ASCC3: variants seen among roughly 807,000 people sequenced by gnomAD.
The protein encoded by ASCC3 is activating signal cointegrator 1 complex subunit 3.
A neutral mutation model predicts 256.3 loss-of-function variants in ASCC3; 158 were observed. That is an observed-to-expected ratio of 0.62 (90% CI 0.54 to 0.70). The LOEUF is 0.70. Ranked by LOEUF, ASCC3 falls within the 30% of genes least tolerant of loss-of-function variation. The probability of loss-of-function intolerance (pLI) is 0.00; values close to 1 mark genes in which losing one functional copy is unlikely to be tolerated. For synonymous variants in ASCC3, 948 were observed against 883.4 expected, an observed-to-expected ratio of 1.07 and a Z score of -1.30; for missense variants, 2,259 against 2,626.0, an observed-to-expected ratio of 0.86 and a Z score of 3.05.
chr6:100,731,496 G>A (rs1399838540), intron 10 of ASCC3, among the ~76,000 whole-genome samples: 1 of 152,142 alleles, frequency 6.6e-6, no homozygotes, highest in Non-Finnish European at 1.5e-5. Context: ...CACTCTAACT[G>A]CTTATCTGTA....
At position 100,800,596 on chromosome 6, in the gene ASCC3, T is replaced by C. The variant is rs1769868416; in HGVS notation, c.923-92A>G. The stretch of plus-strand genomic sequence containing the variant: ...CATTTCTTTCCTCCACCCCACAACA[T>C]ATAATGCTCTTACAATTCATTTTTT... On this transcript the variant is annotated intron_variant, in intron 5 of 41. Coordinates refer to ENST00000369162, the MANE Select transcript of ASCC3 (RefSeq NM_006828.4). 29 of 954,656 alleles carry C rather than the reference T, an allele frequency of 3.0e-5. No homozygotes were observed. The South Asian group carries it at 4.0e-4, about 13-fold the overall frequency. 59.1% of individuals were successfully genotyped at this position (954,656 alleles called of 1,614,324 possible). A position where few individuals can be genotyped will look rare whatever the true frequency, so the allele number is the denominator to read the frequency against.
intron 10 of ASCC3, among the ~76,000 whole-genome samples, chr6:100,734,070 T>A (rs899306177): frequency 6.6e-6 from 1 of 152,110 alleles, no homozygotes; most frequent in Non-Finnish European, 1.5e-5. Flanking sequence ...AGAGAAATAA[T>A]TCTCATTTTT....
At chr6:100,818,754 A>G (rs1770891042) in intron 4 of ASCC3, among the ~76,000 whole-genome samples, 1 of 61,328 alleles carries the variant, frequency 1.6e-5, no homozygotes, top group Non-Finnish European at 4.5e-5. Context: ...AAGCCAAAAA[A>G]AAAAAAAAAA....
intron 17 of ASCC3, among the ~76,000 whole-genome samples, chr6:100,653,730 CAG>C (rs1775783286): frequency 6.6e-6 from 1 of 151,860 alleles, no homozygotes; most frequent in Admixed American, 6.6e-5. Context: ...ATAAAGTTGA[CAG>C]TGAATTTTTG....
intron 4 of ASCC3, among the ~76,000 whole-genome samples, chr6:100,844,291 C>T (rs935104140): frequency 1.3e-5 from 2 of 151,258 alleles, no homozygotes; most frequent in East Asian, 1.9e-4. Flanking sequence ...GAGGATATCA[C>T]TCCTACACAT....
At chr6:100,728,124 A>G (rs963549731) in intron 10 of ASCC3, among the ~76,000 whole-genome samples, 1 of 152,120 alleles carries the variant, frequency 6.6e-6, no homozygotes, top group African/African-American at 2.4e-5. Context: ...AAATGTAACT[A>G]TAGTATATAA....
chr6:100,738,627 T>C (rs1198840984), intron 10 of ASCC3, among the ~76,000 whole-genome samples: 1 of 152,246 alleles, frequency 6.6e-6, no homozygotes, highest in Non-Finnish European at 1.5e-5. Flanking sequence ...AGCTTTGTAG[T>C]ACAGTTTAAA....
At chr6:100,579,193 T>C (rs1771055099) in intron 36 of ASCC3, among the ~76,000 whole-genome samples, 2 of 151,654 alleles carry the variant, frequency 1.3e-5, no homozygotes, top group African/African-American at 4.8e-5. Context: ...TTTGTTTTTT[T>C]TTTTTTGCTC....
intron 11 of ASCC3, among the ~76,000 whole-genome samples, chr6:100,723,368 A>G (rs1241144668): frequency 1.3e-5 from 2 of 151,744 alleles, no homozygotes; most frequent in African/African-American, 4.8e-5. Flanking sequence ...GGTTTCATTT[A>G]TAACTTCTTG....
At chr6:100,878,588 A>G (rs1034072986) in intron 1 of ASCC3, among the ~76,000 whole-genome samples, 2 of 152,232 alleles carry the variant, frequency 1.3e-5, no homozygotes, top group Non-Finnish European at 2.9e-5. Context: ...CCCAGCACAT[A>G]TTAGGCAGTA....
At chr6:100,513,146 T>C (rs1226367199) in intron 39 of ASCC3, among the ~76,000 whole-genome samples, 4 of 152,348 alleles carry the variant, frequency 2.6e-5, no homozygotes, top group African/African-American at 9.6e-5. Flanking sequence ...TACTAGGATA[T>C]TGACATTAAC....
intron 36 of ASCC3, among the ~76,000 whole-genome samples, chr6:100,543,099 C>T (rs1025789127): frequency 6.6e-6 from 1 of 152,052 alleles, no homozygotes; most frequent in Admixed American, 6.6e-5. Flanking sequence ...TTCCAGGACC[C>T]CCTACAGATA....
At chr6:100,510,130 C>T (rs777007503) in intron 40 of ASCC3, 23 bp from the exon 41 acceptor site, 1 of 1,613,664 alleles carries the variant, frequency 6.2e-7, no homozygotes, top group Non-Finnish European at 8.5e-7. Context: ...AAAAAAGATA[C>T]AACATTAAAA....
intron 10 of ASCC3, among the ~76,000 whole-genome samples, chr6:100,762,469 A>G (rs960106456): frequency 4.6e-5 from 7 of 152,224 alleles, no homozygotes; most frequent in African/African-American, 4.8e-5. Context: ...TTTGAAACCA[A>G]TGGTAGATAT....
rs907487846 is a variant in ASCC3 at position 100,509,097 on chromosome 6, T to G, written c.*289A>C. ...GATGTAAAATTTGATTGATAGCTCC[T>G]AAATATCATCCCAAATATACACAAA... On this transcript the variant is annotated 3_prime_UTR_variant, in exon 42 of 42. Transcript: ENST00000369162. 7.1e-5 allele frequency: 28 copies of G among 395,962 alleles called. No homozygotes were observed. Among genetic ancestry groups the G allele is most frequent in the Non-Finnish European group, 5.7e-5 (12 of 210,262 alleles). The allele number at this position is 395,962 out of a possible 1,614,324, so 24.5% of individuals were successfully genotyped here.
At position 100,532,868 on chromosome 6, in the gene ASCC3, TAAAAGA is replaced by T. The variant is rs1179570649; in HGVS notation, c.5775+7289_5775+7294del. Reference sequence around the variant, plus strand: ...TATTCAGGCTACTGGAATTGGTTATTAAAAGAAAAAGGAAAAAGAAGAATCCTGCTG... The same window carrying T: ...TATTCAGGCTACTGGAATTGGTTATTAAAAGGAAAAAGAAGAATCCTGCTG... On this transcript the variant is annotated intron_variant, in intron 37 of 41. Coordinates refer to ENST00000369162, the MANE Select transcript of ASCC3 (RefSeq NM_006828.4). 2.0e-5 allele frequency among the ~76,000 whole-genome samples: 3 copies of T among 152,254 alleles called. No individual in the cohort carries two copies. The East Asian group carries it at 5.8e-4, about 29-fold the overall frequency.
chr6:100,534,849 A>C (rs970696473), intron 37 of ASCC3, among the ~76,000 whole-genome samples: 1 of 152,204 alleles, frequency 6.6e-6, no homozygotes, highest in Non-Finnish European at 1.5e-5. Context: ...TCTTTTGTGA[A>C]AGACTGCTCA....
chr6:100,761,920 TA>T (rs1781439958), intron 10 of ASCC3, among the ~76,000 whole-genome samples: 1 of 152,172 alleles, frequency 6.6e-6, no homozygotes, highest in Non-Finnish European at 1.5e-5. Context: ...TTCCCACCCT[TA>T]TCCCATATAT....
chr6:100,823,046 A>G (rs1418593065), intron 4 of ASCC3, among the ~76,000 whole-genome samples: 1 of 152,190 alleles, frequency 6.6e-6, no homozygotes, highest in African/African-American at 2.4e-5. Context: ...CACACCTAAG[A>G]CCTAGCAAAA....
Sources: allele counts gnomAD v4.1 joint callset (sites outside exome capture counted in the v4.1 genomes callset), GRCh38; gene constraint gnomAD v4.1.1; transcripts MANE v1.5; gene names NCBI Gene and HGNC (gene_info 2026-07-23, HGNC 2026-07-21).